SEZ6L: variants seen among roughly 807,000 people sequenced by gnomAD.
SEZ6L encodes the protein seizure related 6 homolog like, also known as seizure 6-like protein.
In SEZ6L, 37 loss-of-function variants were observed where a neutral mutation model predicts 106.2. That is an observed-to-expected ratio of 0.35 (90% CI 0.27 to 0.46). SEZ6L has a LOEUF of 0.46. Ranked by LOEUF, SEZ6L falls within the 20% of genes least tolerant of loss-of-function variation. SEZ6L has a pLI of 1.00. For missense variants in SEZ6L, 1,172 were observed against 1,332.8 expected (o/e 0.88, Z 1.88); for synonymous variants, 541 against 570.4 (o/e 0.95, Z 0.73).
intron 10 of SEZ6L, among the ~76,000 whole-genome samples, chr22:26,343,337 A>C (rs946698244): frequency 1.6e-4 from 23 of 144,542 alleles, no homozygotes; most frequent in Non-Finnish European, 1.6e-4. Flanking sequence ...AAAAAAAAAA[A>C]AAAAACTGAC....
chr22:26,340,973 C>CA (rs2145990012), intron 10 of SEZ6L, among the ~76,000 whole-genome samples: 1 of 152,266 alleles, frequency 6.6e-6, no homozygotes, highest in South Asian at 2.1e-4. Context: ...CATGTGTGGT[C>CA]AGCTGAGAAC....
intron 1 of SEZ6L, among the ~76,000 whole-genome samples, chr22:26,177,023 T>C (rs1185942117): frequency 1.3e-5 from 2 of 152,244 alleles, no homozygotes; most frequent in African/African-American, 4.8e-5. Context: ...CTCATTCATA[T>C]GCCCCTTAGC....
intron 1 of SEZ6L, among the ~76,000 whole-genome samples, chr22:26,262,279 T>TCTAC (rs1556283274): frequency 6.6e-5 from 10 of 151,574 alleles, no homozygotes; most frequent in African/African-American, 2.4e-4. Context: ...TATCTATCTA[T>TCTAC]CTATCTCTTT....
intron 1 of SEZ6L, among the ~76,000 whole-genome samples, chr22:26,286,604 C>G (rs1271829280): frequency 6.6e-6 from 1 of 152,148 alleles, no homozygotes; most frequent in Non-Finnish European, 1.5e-5. Context: ...AGTAGCATCT[C>G]CCAGCTCTCG....
chr22:26,377,962 T>C (rs1243534028), intron 16 of SEZ6L, among the ~76,000 whole-genome samples, 187 bp downstream of exon 16: 1 of 151,776 alleles, frequency 6.6e-6, no homozygotes, highest in Admixed American at 6.6e-5. Flanking sequence ...AGGTGATTGG[T>C]GCTGAGGACG....
In SEZ6L at chr22:26,375,577, G is replaced by A. The variant is rs770757361; in HGVS notation, c.2830G>A (p.Ala944Thr). The change falls in exon 15 of 17, where the codon GCA (alanine) becomes ACA (threonine). Residue 944 changes from alanine to threonine, a missense_variant and splice_region_variant. By Grantham distance (58) the Ala-to-Thr change is moderately conservative. Transcript: ENST00000248933. ...ACCTCACTGGCTCCTGTGTTCAGTA[G>A]CAGAAGCGGCAGCAGAGACGTCGCT... ...QDSFEHALEV[A>T]EAAAETSLEG... 6.2e-7 allele frequency: 1 copy of A among 1,613,766 alleles called. No individual in the cohort carries two copies. The highest frequency in any genetic ancestry group is 1.7e-5 in the Admixed American group (1 of 60,018).
intron 1 of SEZ6L, among the ~76,000 whole-genome samples, chr22:26,219,794 G>A (rs2078409425): frequency 6.6e-6 from 1 of 152,150 alleles, no homozygotes; most frequent in Admixed American, 6.5e-5. Flanking sequence ...ACCAAGGCCT[G>A]TTGAGGGAGG....
intron 9 of SEZ6L, among the ~76,000 whole-genome samples, chr22:26,340,191 G>A (rs780252655): frequency 1.6e-4 from 24 of 152,078 alleles, no homozygotes; most frequent in Non-Finnish European, 3.4e-4. Context: ...AGCTGAGAGT[G>A]CCACTGCACT....
chr22:26,277,713 C>T (rs1290694930), intron 1 of SEZ6L, among the ~76,000 whole-genome samples: 1 of 152,178 alleles, frequency 6.6e-6, no homozygotes, highest in Non-Finnish European at 1.5e-5. Flanking sequence ...ACTGCAGGCA[C>T]ACTTGTGATT....
chr22:26,298,133 T>C (rs1288395313), intron 4 of SEZ6L, among the ~76,000 whole-genome samples: 1 of 152,238 alleles, frequency 6.6e-6, no homozygotes, highest in East Asian at 1.9e-4. Flanking sequence ...AGTGTCCACT[T>C]CATCACAACT....
rs142360994 is a variant in SEZ6L at position 26,380,346 on chromosome 22, G to C, written c.*51G>C. 1,948 of 1,497,670 alleles carry C rather than the reference G, an allele frequency of 1.3e-3. 6 individuals carry two copies. Among genetic ancestry groups the C allele is most frequent in the Non-Finnish European group, 1.6e-3 (1,727 of 1,074,296 alleles). The allele number at this position is 1,497,670 out of a possible 1,614,324, so 92.8% of individuals were successfully genotyped here. A position where few individuals can be genotyped will look rare whatever the true frequency, so the allele number is the denominator to read the frequency against. ...TTGTGAACTCAACCACAATCTCCTC[G>C]AGACATTCATCCAGAGACCATGTGG... is the stretch of plus-strand genomic sequence containing the variant. On this transcript the variant is annotated 3_prime_UTR_variant, in exon 17 of 17. Coordinates refer to ENST00000248933, the MANE Select transcript of SEZ6L (RefSeq NM_021115.5).
chr22:26,311,030 C>T (rs1335421787), intron 7 of SEZ6L, among the ~76,000 whole-genome samples, 194 bp downstream of exon 7: 1 of 152,224 alleles, frequency 6.6e-6, no homozygotes, highest in Non-Finnish European at 1.5e-5. Flanking sequence ...TGTGCACTTA[C>T]TACGTGCTCA....
intron 1 of SEZ6L, among the ~76,000 whole-genome samples, chr22:26,260,754 G>C (rs974143698): frequency 6.6e-6 from 1 of 152,094 alleles, no homozygotes; most frequent in Non-Finnish European, 1.5e-5. Flanking sequence ...CCTAGTAGTG[G>C]GATTGCTGGA....
At chr22:26,189,960 G>T (rs1372793235) in intron 1 of SEZ6L, among the ~76,000 whole-genome samples, 1 of 152,086 alleles carries the variant, frequency 6.6e-6, no homozygotes, top group Non-Finnish European at 1.5e-5. Flanking sequence ...AGCTGGGCGT[G>T]GTGGCGGGCA....
chr22:26,254,477 C>T (rs1214088328), intron 1 of SEZ6L, among the ~76,000 whole-genome samples: 4 of 152,158 alleles, frequency 2.6e-5, no homozygotes, highest in African/African-American at 9.6e-5. Flanking sequence ...TGTAGGCCAG[C>T]TGCAGTGGCT....
At chr22:26,333,124 A>G (rs1375118157) in intron 9 of SEZ6L, among the ~76,000 whole-genome samples, 1 of 152,230 alleles carries the variant, frequency 6.6e-6, no homozygotes, top group Non-Finnish European at 1.5e-5. Context: ...AAGCAGCCAG[A>G]AGTGGTAACA....
chr22:26,370,271 G>A (rs974784077), intron 13 of SEZ6L, among the ~76,000 whole-genome samples: 2 of 152,020 alleles, frequency 1.3e-5, no homozygotes, highest in Non-Finnish European at 2.9e-5. Flanking sequence ...TGTAGTCCCA[G>A]CTACTCAGGA....
chr22:26,274,358 GTAGGACCTTGGATA>G (rs2145845132), intron 1 of SEZ6L, among the ~76,000 whole-genome samples: 1 of 151,814 alleles, frequency 6.6e-6, no homozygotes, highest in South Asian at 2.1e-4. Context: ...GACCTTGAAT[GTAGGACCTTGGATA>G]TAGGACCATG....
intron 1 of SEZ6L, among the ~76,000 whole-genome samples, chr22:26,264,757 A>G (rs1036799417): frequency 6.6e-5 from 10 of 152,228 alleles, no homozygotes; most frequent in Admixed American, 1.3e-4. Flanking sequence ...AACAGGAGGA[A>G]AGCCAAATTT....
Sources: gnomAD v4.1 joint callset for allele counts (sites outside exome capture counted in the v4.1 genomes callset) on GRCh38, gnomAD v4.1.1 for gene constraint, MANE v1.5 for transcripts, NCBI Gene and HGNC (gene_info 2026-07-23, HGNC 2026-07-21) for gene names.